Variants in HAUS1 observed in about 807,000 individuals in gnomAD.
HAUS1 encodes HAUS augmin-like complex subunit 1.
Under a neutral mutation model 38.6 loss-of-function variants are expected in HAUS1, and 25 were observed. The ratio of observed to expected loss-of-function variants is 0.65; its 90% CI spans 0.47 to 0.91. HAUS1 has a LOEUF of 0.91. Ranked by LOEUF, HAUS1 falls within the 40% of genes least tolerant of loss-of-function variation. The pLI, the probability that HAUS1 is intolerant of heterozygous loss-of-function variation, is 0.00. For missense variants in HAUS1, 325 were observed against 328.4 expected, an observed-to-expected ratio of 0.99 and a Z score of 0.08; for synonymous variants, 109 against 112.9, an observed-to-expected ratio of 0.97 and a Z score of 0.22.
chr18:46,123,443 C>T lies in HAUS1; in HGVS notation c.666+79C>T, dbSNP rs546495617. On this transcript the variant is annotated intron_variant, in intron 6 of 8. Transcript: ENST00000282058. The stretch of plus-strand genomic sequence containing the variant: ...GCTTTTTCATTTGTTTCTTTTTATT[C>T]GGCTTTTATTCACTGTGGACCTGAT... The T allele has an allele frequency of 6.2e-5, 61 of 990,894 alleles. No individual in the cohort carries two copies. The African/African-American group carries it at 6.8e-4, about 11-fold the overall frequency. 61.4% of individuals were successfully genotyped at this position (990,894 alleles called of 1,614,324 possible).
intron 6 of HAUS1, 49 bp from the exon 7 acceptor site, chr18:46,124,773 G>A (rs1408058725): frequency 6.2e-6 from 6 of 960,022 alleles, no homozygotes; most frequent in Non-Finnish European, 1.0e-5. Flanking sequence ...AGTATTAGTT[G>A]CATTGTGAAT....
At chr18:46,120,132 T>C in intron 4 of HAUS1, 72 bp downstream of exon 4, 1 of 1,056,304 alleles carries the variant, frequency 9.5e-7, no homozygotes, top group Non-Finnish European at 1.3e-6. Flanking sequence ...AATTTAGTTT[T>C]GGCAGTAGGT....
chr18:46,125,259 C>CA (rs893118525), intron 7 of HAUS1, among the ~76,000 whole-genome samples: 6 of 146,972 alleles, frequency 4.1e-5, no homozygotes, highest in Admixed American at 6.9e-5. Context: ...GACTCCATCT[C>CA]AAAAAAAAAG....
At chr18:46,124,590 A>G (rs1912046123) in intron 6 of HAUS1, among the ~76,000 whole-genome samples, 1 of 151,990 alleles carries the variant, frequency 6.6e-6, no homozygotes, top group African/African-American at 2.4e-5. Context: ...CATCTCAAAA[A>G]AAAATTATAA....
At chr18:46,124,076 T>G (rs1912027789) in intron 6 of HAUS1, among the ~76,000 whole-genome samples, 1 of 152,084 alleles carries the variant, frequency 6.6e-6, no homozygotes, top group South Asian at 2.1e-4. Context: ...TCACATTCTT[T>G]TCTATTCTAA....
In HAUS1 at chr18:46,107,699, C is replaced by T. The variant is rs925071105; in HGVS notation, c.205+2331C>T. On this transcript the variant is annotated intron_variant, in intron 2 of 8. Transcript: ENST00000282058. Reference sequence around the variant, plus strand: ...AACTGAGTAGTAATGCCATCTATAGCTCGCTGGACTTGAATGACCTTTGAG... The same window carrying T: ...AACTGAGTAGTAATGCCATCTATAGTTCGCTGGACTTGAATGACCTTTGAG... Among the ~76,000 whole-genome samples, 7 of 152,318 alleles carry T rather than the reference C, an allele frequency of 4.6e-5. No individual in the cohort carries two copies. The South Asian group carries it at 1.4e-3, about 32-fold the overall frequency.
At chr18:46,106,108 G>A (rs1287684531) in intron 2 of HAUS1, among the ~76,000 whole-genome samples, 2 of 152,148 alleles carry the variant, frequency 1.3e-5, no homozygotes, top group East Asian at 3.9e-4. Context: ...AGACTTGGAC[G>A]AAATTACTCT....
intron 7 of HAUS1, among the ~76,000 whole-genome samples, 195 bp downstream of exon 7, chr18:46,125,088 C>T (rs559931807): frequency 6.6e-6 from 1 of 152,048 alleles, no homozygotes; most frequent in African/African-American, 2.4e-5. Context: ...GGTGAAACCC[C>T]GTCTCTACTA....
intron 2 of HAUS1, among the ~76,000 whole-genome samples, chr18:46,115,458 CAAAA>C (rs35249053): frequency 6.4e-5 from 7 of 108,842 alleles, no homozygotes; most frequent in East Asian, 2.9e-4. Context: ...GACTGCATCT[CAAAA>C]AAAAAAAAAA....
intron 2 of HAUS1, among the ~76,000 whole-genome samples, chr18:46,109,070 CAA>C (rs58584750): frequency 0.26 from 21,595 of 82,636 alleles, 2,271 homozygotes; most frequent in East Asian, 0.48. Flanking sequence ...GACTCCGTCT[CAA>C]AAAAAAAAAA....
At chr18:46,125,338 C>A (rs1255565239) in intron 7 of HAUS1, among the ~76,000 whole-genome samples, 2 of 151,882 alleles carry the variant, frequency 1.3e-5, no homozygotes, top group Admixed American at 6.6e-5. Context: ...ATCACGAGGT[C>A]AGGAGTTTGA....
intron 5 of HAUS1, 45 bp from the exon 6 acceptor site, chr18:46,123,252 CTT>C: frequency 7.9e-7 from 1 of 1,269,968 alleles, no homozygotes; most frequent in South Asian, 1.3e-5. Flanking sequence ...ATGGTGGTCA[CTT>C]TTCAAATAAT....
At chr18:46,122,665 A>C (rs143190111) in intron 5 of HAUS1, 75 bp downstream of exon 5, 22 of 1,532,174 alleles carry the variant, frequency 1.4e-5, no homozygotes, top group Middle Eastern at 3.4e-4. Context: ...GCTAGGCATT[A>C]TTATTCCCTT....
intron 2 of HAUS1, among the ~76,000 whole-genome samples, chr18:46,117,781 A>T (rs1269916810): frequency 6.6e-6 from 1 of 152,006 alleles, no homozygotes; most frequent in Non-Finnish European, 1.5e-5. Context: ...CATCTCTACT[A>T]AAAATACAAA....
chr18:46,113,205 T>C (rs1911719789), intron 2 of HAUS1, among the ~76,000 whole-genome samples: 1 of 150,972 alleles, frequency 6.6e-6, no homozygotes, highest in Non-Finnish European at 1.5e-5. Flanking sequence ...GTCTCCCAAG[T>C]AGCTGGGACT....
chr18:46,124,272 T>G (rs1912033305), intron 6 of HAUS1, among the ~76,000 whole-genome samples: 1 of 151,914 alleles, frequency 6.6e-6, no homozygotes, highest in Non-Finnish European at 1.5e-5. Context: ...TAGCCAGGCA[T>G]GGTGGCACAT....
At chr18:46,117,943 T>A (rs1047349666) in intron 2 of HAUS1, among the ~76,000 whole-genome samples, 1 of 151,896 alleles carries the variant, frequency 6.6e-6, no homozygotes, top group African/African-American at 2.4e-5. Flanking sequence ...GAGACTCCAT[T>A]TCAAAAAGAA....
In HAUS1 at chr18:46,125,743, G is replaced by A. The variant is rs759810155; in HGVS notation, c.739-1G>A. Reference sequence around the variant, plus strand: ...TTTCCTTGTTTTATTTTTTTTTAAAGAATCCGTCTCTTGCTCAAGTGAAAA... The same window carrying A: ...TTTCCTTGTTTTATTTTTTTTTAAAAAATCCGTCTCTTGCTCAAGTGAAAA... On this transcript the variant is annotated splice_acceptor_variant, in intron 7 of 8. Coordinates refer to ENST00000282058, the MANE Select transcript of HAUS1 (RefSeq NM_138443.4). LOFTEE classifies it high-confidence loss of function. 6.3e-7 allele frequency: 1 copy of A among 1,589,934 alleles called. No individual in the cohort carries two copies. The highest frequency in any genetic ancestry group is 8.6e-7 in the Non-Finnish European group (1 of 1,161,554).
intron 7 of HAUS1, among the ~76,000 whole-genome samples, chr18:46,125,515 C>T (rs556399779): frequency 6.7e-6 from 1 of 150,320 alleles, no homozygotes; most frequent in South Asian, 2.1e-4. Context: ...CCACTGCACT[C>T]CAGCCTGGGC....
Sources: gnomAD v4.1 joint callset for allele counts (sites outside exome capture counted in the v4.1 genomes callset) on GRCh38, gnomAD v4.1.1 for gene constraint, MANE v1.5 for transcripts, NCBI Gene and HGNC (gene_info 2026-07-23, HGNC 2026-07-21) for gene names.